Variants in ERAP1 observed in about 807,000 individuals in gnomAD.
The protein encoded by ERAP1 is endoplasmic reticulum aminopeptidase 1, also known as adipocyte-derived leucine aminopeptidase.
Under a neutral mutation model 103.7 loss-of-function variants are expected in ERAP1, and 86 were observed. That is an observed-to-expected ratio of 0.83 (90% CI 0.70 to 0.99). ERAP1 has a LOEUF of 0.99. ERAP1 is among the 50% of genes least tolerant of loss of function. ERAP1 has a pLI of 0.00. For missense variants in ERAP1, 1,009 were observed against 1,128.4 expected (o/e 0.89, Z 1.52); for synonymous variants, 398 against 402.4 (o/e 0.99, Z 0.13).
the ERAP1 span, among the ~76,000 whole-genome samples, chr5:96,874,197 G>C: frequency 2.7e-5 from 4 of 145,526 alleles, no homozygotes; most frequent in African/African-American, 7.6e-5. Flanking sequence ...AGAGAAAGAA[G>C]AAAGAAAAGA....
In ERAP1 at chr5:96,795,120, A is replaced by T. The variant is rs1223579030; in HGVS notation, c.841T>A (p.Tyr281Asn). 6.2e-7 allele frequency: 1 copy of T among 1,613,948 alleles called. No homozygotes were observed. Among genetic ancestry groups the T allele is most frequent in the Middle Eastern group, 1.6e-4 (1 of 6,062 alleles). The change falls in exon 5 of 19, where the codon TAT (tyrosine) becomes AAT (asparagine). Residue 281 changes from tyrosine (Y) to asparagine (N), a missense_variant. Coordinates refer to ENST00000443439, the MANE Select transcript of ERAP1 (RefSeq NM_001040458.3). ...AGAGTCACCGCAGCATCCAGTGCAT[A>T]ATCTGCTTGATTTATCTTGTCTGGC... ...AVPDKINQAD[Y>N]ALDAAVTLLE...
the ERAP1 span, among the ~76,000 whole-genome samples, chr5:96,926,285 AG>A: frequency 6.6e-6 from 1 of 152,122 alleles, no homozygotes; most frequent in Non-Finnish European, 1.5e-5. Flanking sequence ...CATATATATC[AG>A]TTTATCAGTT....
chr5:96,904,494 G>GCT, the ERAP1 span, among the ~76,000 whole-genome samples: 1 of 152,162 alleles, frequency 6.6e-6, no homozygotes, highest in African/African-American at 2.4e-5. Flanking sequence ...AAAGAAAAGA[G>GCT]GAAGTGAGGC....
chr5:96,892,577 TA>T, the ERAP1 span: 1 of 1,102,916 alleles, frequency 9.1e-7, no homozygotes, highest in Non-Finnish European at 1.3e-6. Context: ...TAGAGACTAC[TA>T]AACCTAACAC....
chr5:96,856,671 C>T, the ERAP1 span, among the ~76,000 whole-genome samples: 2 of 152,024 alleles, frequency 1.3e-5, no homozygotes, highest in African/African-American at 2.4e-5. Flanking sequence ...ATTAACTGGC[C>T]TTTGGCCATA....
chr5:96,860,843 A>G, the ERAP1 span, among the ~76,000 whole-genome samples: 1 of 152,196 alleles, frequency 6.6e-6, no homozygotes, highest in Non-Finnish European at 1.5e-5. Context: ...TCCAGCCTCC[A>G]TTATAGCCAA....
chr5:96,809,533 A>G (rs1779022476), upstream of ERAP1, among the ~76,000 whole-genome samples: 1 of 152,090 alleles, frequency 6.6e-6, no homozygotes, highest in Non-Finnish European at 1.5e-5. Flanking sequence ...TTTCCTTTTT[A>G]AAAATATAAT....
the ERAP1 span, among the ~76,000 whole-genome samples, chr5:96,815,407 G>GTTTTTTTTTTTTTTTTTTTTTTT: frequency 2.8e-5 from 3 of 105,458 alleles, 1 homozygote; most frequent in Non-Finnish European, 6.2e-5. Context: ...TGTTTGTTTT[G>GTTTTTTTTTTTTTTTTTTTTTTT]TTTTTTATTT....
the ERAP1 span, chr5:96,900,233 A>G: frequency 2.5e-6 from 4 of 1,611,444 alleles, no homozygotes; most frequent in Non-Finnish European, 3.4e-6. Context: ...TCTGTGGAAT[A>G]GCCTGACCTA....
At chr5:96,811,146 G>A (rs1006506427), upstream of ERAP1, among the ~76,000 whole-genome samples, 4 of 151,846 alleles carry the variant, frequency 2.6e-5, no homozygotes, top group African/African-American at 7.3e-5. Context: ...TGATATTCTT[G>A]ATAAAGAGGA....
At chr5:96,895,438 A>G in the ERAP1 span, 1 of 983,850 alleles carries the variant, frequency 1.0e-6, no homozygotes, top group Non-Finnish European at 1.6e-6. Context: ...AGTGAATGTT[A>G]AACAGAAAAA....
At chr5:96,876,621 G>A in the ERAP1 span, 1 of 152,356 alleles carries the variant, frequency 6.6e-6, no homozygotes, top group African/African-American at 2.4e-5. Context: ...GTGTTGAGAA[G>A]GTTTTGTAAT....
the ERAP1 span, chr5:96,896,557 A>G: frequency 1.9e-6 from 3 of 1,581,014 alleles, no homozygotes; most frequent in Non-Finnish European, 1.7e-6. Context: ...TGTAATAATG[A>G]CTATAGAATC....
intron 7 of ERAP1, among the ~76,000 whole-genome samples, chr5:96,792,641 G>A (rs1463056887): frequency 6.6e-6 from 1 of 152,130 alleles, no homozygotes; most frequent in Non-Finnish European, 1.5e-5. Flanking sequence ...AGGACAATAT[G>A]TATCCATAAT....
At chr5:96,926,650 T>G in the ERAP1 span, among the ~76,000 whole-genome samples, 2 of 152,250 alleles carry the variant, frequency 1.3e-5, no homozygotes, top group South Asian at 2.1e-4. Context: ...TTCATCTATG[T>G]TTTAACATGT....
downstream of ERAP1, chr5:96,771,657 C>CT: frequency 6.2e-7 from 1 of 1,612,174 alleles, no homozygotes; most frequent in Non-Finnish European, 8.5e-7. Context: ...ACAGAGGAAA[C>CT]TTCCAAGCCA....
the ERAP1 span, chr5:96,883,965 C>T: frequency 6.5e-7 from 1 of 1,544,974 alleles, no homozygotes; most frequent in Non-Finnish European, 8.7e-7. Flanking sequence ...AGAAATTGTT[C>T]TCAAGTTGAG....
At chr5:96,803,309 C>T in intron 2 of ERAP1, 94 bp downstream of exon 2, 1 of 1,360,196 alleles carries the variant, frequency 7.4e-7, no homozygotes, top group Non-Finnish European at 1.0e-6. Flanking sequence ...AAAAGTTCAA[C>T]AGCAAAGGGA....
At chr5:96,902,268 T>C in the ERAP1 span, 23 of 1,582,226 alleles carry the variant, frequency 1.5e-5, no homozygotes, top group South Asian at 2.4e-4. Context: ...TTACTCTCTG[T>C]CATAGGTACC....
Sources: gnomAD v4.1 joint callset for allele counts (sites outside exome capture counted in the v4.1 genomes callset) on GRCh38, gnomAD v4.1.1 for gene constraint, MANE v1.5 for transcripts, NCBI Gene and HGNC (gene_info 2026-07-23, HGNC 2026-07-21) for gene names.